Variants in DDX46 observed in about 807,000 individuals in gnomAD.
DDX46 encodes DEAD-box helicase 46.
Under a neutral mutation model 134.9 loss-of-function variants are expected in DDX46, and 30 were observed. That is an observed-to-expected ratio of 0.22 (90% CI 0.17 to 0.30). The LOEUF is 0.30. Among genes scored for constraint, DDX46 ranks in the 10% least tolerant of loss-of-function variants. The pLI is 1.00. For synonymous variants in DDX46, 415 were observed against 404.1 expected (o/e 1.03, Z -0.32); for missense variants, 622 against 1,248.7 (o/e 0.50, Z 7.56).
At chr5:134,793,326 C>G (rs566945169) in intron 13 of DDX46, among the ~76,000 whole-genome samples, 1 of 152,220 alleles carries the variant, frequency 6.6e-6, no homozygotes. Flanking sequence ...AAGCTGCACA[C>G]TGACTTATGC....
intron 4 of DDX46, 45 bp downstream of exon 4, chr5:134,771,044 CT>C (rs2150133537): frequency 1.3e-6 from 1 of 752,688 alleles, no homozygotes; most frequent in African/African-American, 2.0e-5. Context: ...TTCTTTTTGT[CT>C]TTCTTTCTTT....
intron 3 of DDX46, 71 bp from the exon 4 acceptor site, chr5:134,770,832 A>AAG: frequency 7.4e-7 from 1 of 1,345,078 alleles, no homozygotes. Flanking sequence ...AAAAAAAAAA[A>AAG]GTATTTAAAA....
intron 5 of DDX46, among the ~76,000 whole-genome samples, chr5:134,776,391 GAAA>G (rs879312247): frequency 7.4e-6 from 1 of 135,982 alleles, no homozygotes; most frequent in Admixed American, 7.4e-5. Context: ...AGACTGTCTA[GAAA>G]AAAAAAAAAA....
chr5:134,817,831 G>A, intron 20 of DDX46, 117 bp downstream of exon 20: 1 of 815,426 alleles, frequency 1.2e-6, no homozygotes, highest in Non-Finnish European at 1.9e-6. Context: ...TTACCTAAAT[G>A]GAGGATATAA....
rs199796371 is a variant in DDX46, at chr5:134,811,198, T to C, written c.2149-23T>C. The C allele has an allele frequency of 5.7e-5, 91 of 1,609,028 alleles. No homozygotes were observed. The East Asian group carries it at 1.4e-3, about 25-fold the overall frequency. On this transcript the variant is annotated intron_variant, in intron 16 of 22. Coordinates refer to ENST00000452510, the MANE Select transcript of DDX46 (RefSeq NM_001300860.2). ...ATCCATCTTGTTAGTGTCTAATAAT[T>C]GTACTTTTTCATCATGCATTAGGGT...
intron 15 of DDX46, chr5:134,804,637 C>T (rs1341502019): frequency 4.7e-6 from 1 of 212,464 alleles, no homozygotes; most frequent in Non-Finnish European, 9.6e-6. Context: ...TTCCATGTTG[C>T]CCAGGCTGGC....
chr5:134,797,167 CAAAAAAA>C (rs61547263), intron 15 of DDX46: 17 of 22,930 alleles, frequency 7.4e-4, no homozygotes, highest in East Asian at 3.5e-3. Flanking sequence ...AACTCCGTCT[CAAAAAAA>C]AAAAAAAAAA....
chr5:134,812,107 C>T (rs999053814), intron 18 of DDX46, among the ~76,000 whole-genome samples: 11 of 148,806 alleles, frequency 7.4e-5, no homozygotes, highest in Admixed American at 6.7e-5. Flanking sequence ...CTGTGTCACC[C>T]AGGCTGGAGT....
intron 4 of DDX46, among the ~76,000 whole-genome samples, chr5:134,771,501 G>A (rs1364935907): frequency 6.9e-6 from 1 of 145,368 alleles, no homozygotes; most frequent in Non-Finnish European, 1.5e-5. Flanking sequence ...AGCTATCCTG[G>A]CTAACATGGT....
intron 22 of DDX46, among the ~76,000 whole-genome samples, chr5:134,828,334 G>A (rs1040660441): frequency 1.3e-5 from 2 of 152,176 alleles, no homozygotes; most frequent in African/African-American, 4.8e-5. Context: ...GTTAAATCAT[G>A]TGCTTAATAC....
chr5:134,820,814 A>G (rs1444546444), intron 21 of DDX46, among the ~76,000 whole-genome samples: 1 of 149,958 alleles, frequency 6.7e-6, no homozygotes. Context: ...ATTATAAAAG[A>G]TCTCCGTTAA....
chr5:134,818,239 A>G (rs1193070440), intron 20 of DDX46, among the ~76,000 whole-genome samples: 7 of 151,328 alleles, frequency 4.6e-5, no homozygotes, highest in South Asian at 2.1e-4. Flanking sequence ...GATTACAGGC[A>G]TGCACCACCA....
At chr5:134,788,614 G>A (rs748396683) in intron 12 of DDX46, 23 bp downstream of exon 12, 3 of 1,603,896 alleles carry the variant, frequency 1.9e-6, no homozygotes, top group Non-Finnish European at 2.6e-6. Flanking sequence ...TATTTTTTTG[G>A]TGTCTTTTAT....
chr5:134,818,052 C>T (rs1320580247), intron 20 of DDX46, among the ~76,000 whole-genome samples: 2 of 151,398 alleles, frequency 1.3e-5, no homozygotes, highest in Non-Finnish European at 2.9e-5. Flanking sequence ...CGGGTTCAAG[C>T]GATTCTCCTC....
chr5:134,782,537 G>T (rs1225232904), intron 8 of DDX46, among the ~76,000 whole-genome samples: 1 of 151,752 alleles, frequency 6.6e-6, no homozygotes, highest in Non-Finnish European at 1.5e-5. Context: ...TTGAGACAGG[G>T]TCTCACTCCA....
intron 5 of DDX46, among the ~76,000 whole-genome samples, chr5:134,776,041 T>C (rs1460374652): frequency 6.6e-6 from 1 of 152,146 alleles, no homozygotes; most frequent in Non-Finnish European, 1.5e-5. Context: ...TTTGTATGCT[T>C]TATGTATTGA....
At chr5:134,762,722 C>T (rs955220320) in intron 1 of DDX46, among the ~76,000 whole-genome samples, 3 of 149,108 alleles carry the variant, frequency 2.0e-5, no homozygotes, top group Admixed American at 6.7e-5. Flanking sequence ...AACAAGAGTG[C>T]GACTCTGTCT....
At chr5:134,762,957 G>T (rs1362909182) in intron 1 of DDX46, among the ~76,000 whole-genome samples, 1 of 152,078 alleles carries the variant, frequency 6.6e-6, no homozygotes, top group Non-Finnish European at 1.5e-5. Flanking sequence ...TACTCGGGAG[G>T]CTGAGGCAGG....
chr5:134,770,635 A>G (rs2150133193), intron 3 of DDX46, among the ~76,000 whole-genome samples: 1 of 152,242 alleles, frequency 6.6e-6, no homozygotes, highest in South Asian at 2.1e-4. Context: ...AACATGGTGA[A>G]AACCTGTCTC....
Sources: gnomAD v4.1 joint callset for allele counts (sites outside exome capture counted in the v4.1 genomes callset) on GRCh38, gnomAD v4.1.1 for gene constraint, MANE v1.5 for transcripts, NCBI Gene and HGNC (gene_info 2026-07-23, HGNC 2026-07-21) for gene names.